The following NPAS3 variants were observed in gnomAD, a reference collection of about 807,000 sequenced individuals.
NPAS3 encodes the protein neuronal PAS domain protein 3.
NPAS3 carries 14 observed loss-of-function variants against 73.1 expected under a neutral mutation model. That is an observed-to-expected ratio of 0.19 (90% confidence interval 0.13 to 0.30). The LOEUF is 0.30. Among genes scored for constraint, NPAS3 ranks in the 10% least tolerant of loss-of-function variants. The pLI is 1.00. For synonymous variants in NPAS3, 620 were observed against 541.5 expected (o/e 1.14, Z -2.01); for missense variants, 1,096 against 1,250.0 (o/e 0.88, Z 1.86).
At chr14:32,940,398 C>T (rs1475376440) in intron 1 of NPAS3, among the ~76,000 whole-genome samples, 2 of 152,244 alleles carry the variant, frequency 1.3e-5, no homozygotes, top group African/African-American at 4.8e-5. Context: ...CTCCTGCTGT[C>T]CACCCAGCCT....
chr14:33,043,576 TG>T (rs2040411987), intron 1 of NPAS3, among the ~76,000 whole-genome samples: 1 of 152,118 alleles, frequency 6.6e-6, no homozygotes, highest in Non-Finnish European at 1.5e-5. Flanking sequence ...TAAATTTAAT[TG>T]TTATAATGAA....
intron 6 of NPAS3, among the ~76,000 whole-genome samples, chr14:33,679,515 A>ATTGCATCATAATCTCTT (rs1184508252): frequency 4.6e-5 from 7 of 152,204 alleles, no homozygotes; most frequent in Non-Finnish European, 1.0e-4. Context: ...ACTGTTGTTC[A>ATTGCATCATAATCTCTT]TTGCATCATA....
intron 3 of NPAS3, among the ~76,000 whole-genome samples, chr14:33,219,036 T>A (rs1388031191): frequency 6.6e-6 from 1 of 152,200 alleles, no homozygotes; most frequent in African/African-American, 2.4e-5. Context: ...TTTAGAAATA[T>A]CTGTGTTGTT....
At chr14:33,414,668 A>G (rs1028745359) in intron 4 of NPAS3, among the ~76,000 whole-genome samples, 1 of 152,116 alleles carries the variant, frequency 6.6e-6, no homozygotes, top group African/African-American at 2.4e-5. Context: ...GATTTCTGAC[A>G]AGTGTTACCA....
chr14:33,647,388 G>A (rs999087550), intron 5 of NPAS3, among the ~76,000 whole-genome samples: 1 of 151,944 alleles, frequency 6.6e-6, no homozygotes, highest in Non-Finnish European at 1.5e-5. Flanking sequence ...TCTTCGAAGT[G>A]TATTAGGATC....
At chr14:33,073,553 C>T (rs199591896) in intron 2 of NPAS3, among the ~76,000 whole-genome samples, 1 of 151,984 alleles carries the variant, frequency 6.6e-6, no homozygotes, top group Non-Finnish European at 1.5e-5. Context: ...TTGTGGCTGT[C>T]GAGAATTGAG....
intron 2 of NPAS3, among the ~76,000 whole-genome samples, chr14:33,157,136 A>G (rs182984595): frequency 6.6e-6 from 1 of 152,344 alleles, no homozygotes; most frequent in East Asian, 1.9e-4. Flanking sequence ...TGGCATTGGT[A>G]TGTAGTCCTT....
intron 4 of NPAS3, among the ~76,000 whole-genome samples, chr14:33,378,708 T>C (rs1378541287): frequency 6.6e-6 from 1 of 152,188 alleles, no homozygotes; most frequent in Non-Finnish European, 1.5e-5. Flanking sequence ...CACTTCTCAA[T>C]GACTCACGCC....
intron 4 of NPAS3, among the ~76,000 whole-genome samples, chr14:33,546,578 G>C (rs1352604070): frequency 6.6e-6 from 1 of 152,206 alleles, no homozygotes; most frequent in Non-Finnish European, 1.5e-5. Flanking sequence ...ACTCTGTATA[G>C]TAAGCTATGT....
chr14:33,433,966 G>C (rs949927353), intron 4 of NPAS3, among the ~76,000 whole-genome samples: 3 of 151,684 alleles, frequency 2.0e-5, no homozygotes, highest in Non-Finnish European at 4.4e-5. Flanking sequence ...CGAGGTGGGC[G>C]GATCACCTGA....
chr14:33,126,309 G>A (rs1300957245), intron 2 of NPAS3, among the ~76,000 whole-genome samples: 4 of 152,152 alleles, frequency 2.6e-5, no homozygotes, highest in African/African-American at 9.7e-5. Flanking sequence ...GTTGATAGAT[G>A]GTGTCTACTG....
chr14:33,290,749 G>T (rs1338627951), intron 3 of NPAS3, among the ~76,000 whole-genome samples: 2 of 152,240 alleles, frequency 1.3e-5, no homozygotes, highest in Non-Finnish European at 2.9e-5. Flanking sequence ...GCTTTGCCCA[G>T]CATCTGGTTT....
chr14:33,203,046 A>G (rs1470726228), intron 2 of NPAS3, among the ~76,000 whole-genome samples: 2 of 152,272 alleles, frequency 1.3e-5, no homozygotes, highest in African/African-American at 4.8e-5. Flanking sequence ...CTTAGACATT[A>G]CATTACACAT....
Position 33,338,055 on chromosome 14 carries a change from A to G in NPAS3, c.386-29131A>G, listed in dbSNP as rs369189535. Among the ~76,000 whole-genome samples the G allele has an allele frequency of 2.6e-4, 39 of 151,894 alleles. 1 individual carries two copies. The highest frequency in any genetic ancestry group is 5.1e-4 in the African/African-American group (21 of 41,452). On this transcript the variant is annotated intron_variant, in intron 3 of 11. Coordinates refer to ENST00000356141, the Ensembl canonical transcript of NPAS3. ...TTACTAATTCATTTTTAATCTCTAT[A>G]GCTTCAATGTCTTTTTCTTGCCTTA...
At chr14:33,353,647 A>G (rs888459505) in intron 3 of NPAS3, among the ~76,000 whole-genome samples, 1 of 152,170 alleles carries the variant, frequency 6.6e-6, no homozygotes, top group Non-Finnish European at 1.5e-5. Flanking sequence ...GTAAATCTCT[A>G]TATATGAAGT....
chr14:33,761,835 T>C (rs1036933809), intron 7 of NPAS3, among the ~76,000 whole-genome samples: 1 of 152,208 alleles, frequency 6.6e-6, no homozygotes, highest in African/African-American at 2.4e-5. Context: ...TCATTCCACA[T>C]AGAAGATCCT....
At chr14:33,779,106 A>T (rs1958056) in intron 9 of NPAS3, among the ~76,000 whole-genome samples, 23,338 of 152,224 alleles carry the variant, frequency 0.15, 2,167 homozygotes, top group Admixed American at 0.22. Flanking sequence ...TGTTTCTGGA[A>T]AGAGAGTTAT....
At chr14:33,553,272 C>T (rs2055204058) in intron 4 of NPAS3, among the ~76,000 whole-genome samples, 1 of 152,214 alleles carries the variant, frequency 6.6e-6, no homozygotes, top group South Asian at 2.1e-4. Context: ...GAAGTAAAAC[C>T]TCATCTTGCT....
intron 5 of NPAS3, among the ~76,000 whole-genome samples, chr14:33,568,857 G>A (rs1567013842): frequency 6.6e-6 from 1 of 152,046 alleles, no homozygotes; most frequent in Non-Finnish European, 1.5e-5. Context: ...AATGCCCTAT[G>A]GCTTTTTATC....
Sources: gnomAD v4.1 joint callset for allele counts (sites outside exome capture counted in the v4.1 genomes callset) on GRCh38, gnomAD v4.1.1 for gene constraint, MANE v1.5 for transcripts, NCBI Gene and HGNC (gene_info 2026-07-23, HGNC 2026-07-21) for gene names.